The following GPR176 variants were observed in gnomAD, a reference collection of about 807,000 sequenced individuals.
The protein encoded by GPR176 is G-protein coupled receptor 176.
A neutral mutation model predicts 35.4 loss-of-function variants in GPR176; 26 were observed. That is an observed-to-expected ratio of 0.74 (90% CI 0.54 to 1.02). The LOEUF is 1.02. Among genes scored for constraint, GPR176 ranks in the 50% least tolerant of loss-of-function variants. The pLI is 0.00. For synonymous variants in GPR176, 278 were observed against 271.3 expected (o/e 1.02, Z -0.24); for missense variants, 597 against 665.3 (o/e 0.90, Z 1.13).
intron 2 of GPR176, among the ~76,000 whole-genome samples, chr15:39,803,020 A>G (rs1420172626): frequency 6.6e-6 from 1 of 152,232 alleles, no homozygotes; most frequent in East Asian, 1.9e-4. Flanking sequence ...GTAAGCACCT[A>G]AACAGAATTC....
intron 1 of GPR176, among the ~76,000 whole-genome samples, chr15:39,842,206 G>T (rs1448919240): frequency 6.6e-6 from 1 of 152,086 alleles, no homozygotes; most frequent in Non-Finnish European, 1.5e-5. Context: ...AGGCATGGCT[G>T]GAGAGGCCTC....
chr15:39,861,845 T>C (rs1365167916), intron 1 of GPR176, among the ~76,000 whole-genome samples: 5 of 152,222 alleles, frequency 3.3e-5, no homozygotes, highest in African/African-American at 1.2e-4. Context: ...GCACAGCAAA[T>C]CTTAAGACGA....
chr15:39,816,237 ATATAT>A (rs1899897773), intron 1 of GPR176, among the ~76,000 whole-genome samples: 2 of 152,220 alleles, frequency 1.3e-5, no homozygotes, highest in African/African-American at 2.4e-5. Flanking sequence ...ACAGTAAGCA[ATATAT>A]TATATATTTA....
intron 1 of GPR176, among the ~76,000 whole-genome samples, chr15:39,879,724 C>T (rs1165011933): frequency 5.3e-5 from 8 of 152,164 alleles, no homozygotes; most frequent in South Asian, 4.1e-4. Context: ...CACCCCACCT[C>T]GAAGTTGGGA....
intron 1 of GPR176, among the ~76,000 whole-genome samples, chr15:39,908,080 A>G (rs2033473430): frequency 6.6e-6 from 1 of 152,238 alleles, no homozygotes; most frequent in Non-Finnish European, 1.5e-5. Context: ...CAGTTGCCCC[A>G]GTATTTCCTG....
At chr15:39,897,268 A>G (rs2033141015) in intron 1 of GPR176, among the ~76,000 whole-genome samples, 1 of 152,232 alleles carries the variant, frequency 6.6e-6, no homozygotes, top group South Asian at 2.1e-4. Context: ...CATAAAAGTG[A>G]CAGGAATCTA....
chr15:39,865,267 CT>C (rs1448605212), intron 1 of GPR176, among the ~76,000 whole-genome samples: 1 of 152,140 alleles, frequency 6.6e-6, no homozygotes, highest in African/African-American at 2.4e-5. Context: ...TATCACAGCA[CT>C]ATCCACAATA....
chr15:39,900,976 A>C (rs972281408), intron 1 of GPR176, among the ~76,000 whole-genome samples: 2 of 152,260 alleles, frequency 1.3e-5, no homozygotes, highest in African/African-American at 4.8e-5. Context: ...GAGGCAGAGA[A>C]CAAGTGCCTG....
intron 1 of GPR176, among the ~76,000 whole-genome samples, chr15:39,909,348 G>A (rs530661892): frequency 3.3e-5 from 5 of 152,284 alleles, no homozygotes; most frequent in South Asian, 4.2e-4. Flanking sequence ...GTTTCTGCTC[G>A]AACAGTGAAA....
In GPR176 at chr15:39,801,275, G is replaced by A. The variant is rs781230494; in HGVS notation, c.1405C>T (p.Arg469Ter). 2.5e-6 allele frequency: 4 copies of A among 1,613,984 alleles called. No individual in the cohort carries two copies. In the South Asian group the frequency reaches 3.3e-5, roughly 13 times the overall value. Residue 469 changes from arginine to a stop codon, truncating the protein, a stop_gained, in exon 3 of 3, where the codon CGA becomes TGA. Coordinates refer to ENST00000561100, the MANE Select transcript of GPR176 (RefSeq NM_007223.3). LOFTEE classifies it high-confidence loss of function. ...GGAAGCAGCCGCTTCTTGCTGTTTC[G>A]GGTCTCTGAGAGCCACTGAGGAGGC... Reference protein sequence around the residue: ...ELPPQWLSETRNSKKRLLPPL... With the variant: ...ELPPQWLSET
rs1474986613 is a variant in GPR176, at chr15:39,799,055, CAA to C, written c.*2075_*2076del. On this transcript the variant is annotated 3_prime_UTR_variant, in exon 3 of 3. Coordinates refer to ENST00000561100, the MANE Select transcript of GPR176 (RefSeq NM_007223.3). ...AATTTTTTATTAAAATGTTATTCTT[CAA>C]AGAGTATAGAAATACACCTGGCAAT... is the stretch of plus-strand genomic sequence containing the variant. 4 of 152,268 alleles carry C rather than the reference CAA, an allele frequency of 2.6e-5. No homozygotes were observed. The highest frequency in any genetic ancestry group is 3.9e-4 in the East Asian group (2 of 5,182). 9.4% of individuals were successfully genotyped at this position (152,268 alleles called of 1,614,324 possible).
In GPR176 at chr15:39,810,641, T is replaced by C. The variant is rs577980067; in HGVS notation, c.173-3383A>G. 2.0e-5 allele frequency among the ~76,000 whole-genome samples: 3 copies of C among 152,204 alleles called. No individual in the cohort carries two copies. In the South Asian group the frequency reaches 6.2e-4, roughly 32 times the overall value. The stretch of plus-strand genomic sequence containing the variant: ...GAGACTTAAAGCAGTAAAATATCCA[T>C]GGCCATGCTTGTACAGAAAGATAAC... On this transcript the variant is annotated intron_variant, in intron 1 of 2. Coordinates refer to ENST00000561100, the MANE Select transcript of GPR176 (RefSeq NM_007223.3).
Position 39,919,862 on chromosome 15 carries a change from C to A in GPR176, c.165G>T (p.Ser55=). The change falls in exon 1 of 3, where the codon TCG becomes TCT. Residue 55 remains serine, a synonymous_variant. Coordinates refer to ENST00000561100, the MANE Select transcript of GPR176 (RefSeq NM_007223.3). ...TTVQVVIFIG[S]LLGNFMVLWS... ...GCCCCGCGGGAGGCTTACCGAGCAGCGAGCCTATGAAGATGACGACCTGCA... is the reference window on the plus strand; with the variant it reads ...GCCCCGCGGGAGGCTTACCGAGCAGAGAGCCTATGAAGATGACGACCTGCA... 3 of 1,434,200 alleles carry A rather than the reference C, an allele frequency of 2.1e-6. No homozygotes were observed. Among genetic ancestry groups the A allele is most frequent in the South Asian group, 1.5e-5 (1 of 64,894 alleles). The allele number at this position is 1,434,200 out of a possible 1,614,324, so 88.8% of individuals were successfully genotyped here. A position where few individuals can be genotyped will look rare whatever the true frequency, so the allele number is the denominator to read the frequency against.
rs549284023 is a variant in GPR176, at chr15:39,861,511, T to TG, written c.173-54254dup. On this transcript the variant is annotated intron_variant, in intron 1 of 2. Transcript: ENST00000561100. ...TTGCAGTGCGCCAAGATCATGCCAC[T>TG]GCACTCCAGCCTGGTGACAGAGCGA... Among the ~76,000 whole-genome samples, 264 of 151,554 alleles carry TG rather than the reference T, an allele frequency of 1.7e-3. 2 individuals are homozygous for TG. The highest frequency in any genetic ancestry group is 5.9e-3 in the African/African-American group (243 of 41,226).
chr15:39,904,530 A>C (rs1371434144), intron 1 of GPR176, among the ~76,000 whole-genome samples: 1 of 152,168 alleles, frequency 6.6e-6, no homozygotes, highest in Non-Finnish European at 1.5e-5. Flanking sequence ...CCCAGGAAGG[A>C]AGGGTGGGGG....
chr15:39,810,869 C>T (rs1052593580), intron 1 of GPR176, among the ~76,000 whole-genome samples: 1 of 152,202 alleles, frequency 6.6e-6, no homozygotes, highest in Non-Finnish European at 1.5e-5. Flanking sequence ...AAACAAGTAA[C>T]AGTAACCCCA....
chr15:39,895,517 T>G (rs2140865435), intron 1 of GPR176, among the ~76,000 whole-genome samples: 1 of 152,350 alleles, frequency 6.6e-6, no homozygotes, highest in South Asian at 2.1e-4. Flanking sequence ...TTTTAATAAA[T>G]ACCACACTGT....
chr15:39,808,151 C>A (rs1247581359), intron 1 of GPR176, among the ~76,000 whole-genome samples: 1 of 152,222 alleles, frequency 6.6e-6, no homozygotes, highest in East Asian at 1.9e-4. Flanking sequence ...ACTACCCATT[C>A]TGGTAATTTT....
At chr15:39,829,319 C>G (rs529598186) in intron 1 of GPR176, 1 of 1,369,008 alleles carries the variant, frequency 7.3e-7, no homozygotes, top group South Asian at 1.6e-5. Flanking sequence ...GCCATGAGGT[C>G]ACAAAGAATG....
Sources: allele counts gnomAD v4.1 joint callset (sites outside exome capture counted in the v4.1 genomes callset), GRCh38; gene constraint gnomAD v4.1.1; transcripts MANE v1.5; gene names NCBI Gene and HGNC (gene_info 2026-07-23, HGNC 2026-07-21).